The following DCDC2C variants were observed in gnomAD, a reference collection of about 807,000 sequenced individuals.
The protein encoded by DCDC2C is doublecortin domain containing 2C.
DCDC2C carries 44 observed loss-of-function variants against 45.0 expected under a neutral mutation model. The ratio of observed to expected loss-of-function variants is 0.98; its 90% CI spans 0.77 to 1.26. DCDC2C has a LOEUF of 1.26. Among genes scored for constraint, DCDC2C ranks in the 50% most tolerant of loss-of-function variants. DCDC2C has a pLI of 0.00. For missense variants in DCDC2C, 447 were observed against 468.9 expected, an observed-to-expected ratio of 0.95 and a Z score of 0.43; for synonymous variants, 187 against 178.8, an observed-to-expected ratio of 1.05 and a Z score of -0.37.
At chr2:3,817,194 G>A (rs950070443) in intron 10 of DCDC2C, among the ~76,000 whole-genome samples, 14 of 152,210 alleles carry the variant, frequency 9.2e-5, no homozygotes, top group African/African-American at 3.4e-4. Flanking sequence ...ACTGCCCTGA[G>A]TGATGGGATC....
At position 3,778,852 on chromosome 2, in the gene DCDC2C, C is replaced by T; in HGVS notation, c.991C>T (p.His331Tyr). Reference sequence around the variant, plus strand: ...GATAGTTAAAGAAGATGAAGAGATACATGAGAACACCCCTGATTTTGAGGG... The same window carrying T: ...GATAGTTAAAGAAGATGAAGAGATATATGAGAACACCCCTGATTTTGAGGG... ...AEIVKEDEEI[H>Y]ENTPDFEGNK... is the part of the protein sequence containing the mutation. The change falls in exon 9 of 11, where the codon CAT (histidine) becomes TAT (tyrosine). Residue 331 changes from histidine (H) to tyrosine (Y), a missense_variant. Coordinates refer to ENST00000399143, the MANE Select transcript of DCDC2C (RefSeq NM_001287444.2). 6.4e-7 allele frequency: 1 copy of T among 1,551,080 alleles called. No individual in the cohort carries two copies. The highest frequency in any genetic ancestry group is 2.0e-5 in the Admixed American group (1 of 50,994).
chr2:3,837,342 T>C (rs1672107660), intron 10 of DCDC2C, among the ~76,000 whole-genome samples: 1 of 152,210 alleles, frequency 6.6e-6, no homozygotes, highest in South Asian at 2.1e-4. Context: ...AAGTCATTCA[T>C]AGCCTAACAA....
At chr2:3,749,631 G>A (rs1280937067) in intron 4 of DCDC2C, among the ~76,000 whole-genome samples, 1 of 152,196 alleles carries the variant, frequency 6.6e-6, no homozygotes, top group African/African-American at 2.4e-5. Flanking sequence ...GAGTCCGAGG[G>A]GAATGTGCCT....
At chr2:3,738,727 C>T (rs1380387600) in intron 3 of DCDC2C, among the ~76,000 whole-genome samples, 3 of 152,020 alleles carry the variant, frequency 2.0e-5, no homozygotes, top group Non-Finnish European at 2.9e-5. Context: ...TTTCTTGTAA[C>T]CACCCAATTT....
chr2:3,766,001 T>C (rs941671561), intron 6 of DCDC2C, among the ~76,000 whole-genome samples: 1 of 151,992 alleles, frequency 6.6e-6, no homozygotes. Context: ...AGATGAGAAA[T>C]AAATTGGTGT....
Position 3,754,644 on chromosome 2 carries a change from T to C in DCDC2C, c.726+10T>C, listed in dbSNP as rs74794602. ...ACAGAGAAAGAAAAAAGTAAGTAACTTTTTAAAACAAGTAAGTAACTTGTT... is the reference window on the plus strand; with the variant it reads ...ACAGAGAAAGAAAAAAGTAAGTAACCTTTTAAAACAAGTAAGTAACTTGTT... On this transcript the variant is annotated intron_variant, in intron 6 of 10. Coordinates refer to ENST00000399143, the MANE Select transcript of DCDC2C (RefSeq NM_001287444.2). 9.0e-6 allele frequency: 14 copies of C among 1,548,390 alleles called. No homozygotes were observed. The East Asian group carries it at 2.9e-4, about 32-fold the overall frequency.
At chr2:3,727,128 T>C in intron 3 of DCDC2C, 49 bp downstream of exon 3, 1 of 1,427,086 alleles carries the variant, frequency 7.0e-7, no homozygotes, top group South Asian at 1.2e-5. Context: ...CATAACTCCC[T>C]AAAAACAATA....
At chr2:3,709,309 A>G (rs1668146628) in intron 2 of DCDC2C, among the ~76,000 whole-genome samples, 1 of 152,230 alleles carries the variant, frequency 6.6e-6, no homozygotes, top group African/African-American at 2.4e-5. Context: ...TAGATACCTC[A>G]GAAGCTCGTT....
At chr2:3,749,147 A>G (rs1669461256) in intron 4 of DCDC2C, among the ~76,000 whole-genome samples, 1 of 152,234 alleles carries the variant, frequency 6.6e-6, no homozygotes, top group Non-Finnish European at 1.5e-5. Flanking sequence ...ATTTTCTACT[A>G]TATCCCCAAT....
chr2:3,833,687 C>A (rs956803309), intron 10 of DCDC2C, among the ~76,000 whole-genome samples: 9 of 152,210 alleles, frequency 5.9e-5, no homozygotes, highest in Admixed American at 3.3e-4. Context: ...GAACATAAAG[C>A]TTATCCAGCC....
At chr2:3,732,075 C>G (rs1193413252) in intron 3 of DCDC2C, among the ~76,000 whole-genome samples, 2 of 152,044 alleles carry the variant, frequency 1.3e-5, no homozygotes, top group African/African-American at 4.8e-5. Flanking sequence ...GATGACCGCA[C>G]TAGGGAAGCG....
At chr2:3,789,268 GT>G (rs1359261866) in intron 10 of DCDC2C, among the ~76,000 whole-genome samples, 1 of 152,168 alleles carries the variant, frequency 6.6e-6, no homozygotes, top group African/African-American at 2.4e-5. Flanking sequence ...AAAACTCCAC[GT>G]GGCATCCAGA....
intron 6 of DCDC2C, among the ~76,000 whole-genome samples, chr2:3,759,513 C>A (rs1478756762): frequency 6.6e-6 from 1 of 152,122 alleles, no homozygotes; most frequent in Non-Finnish European, 1.5e-5. Flanking sequence ...TAATGTAGCA[C>A]CTCGAGATGA....
At chr2:3,722,523 T>G (rs776197889) in intron 2 of DCDC2C, among the ~76,000 whole-genome samples, 4 of 152,146 alleles carry the variant, frequency 2.6e-5, no homozygotes, top group Admixed American at 2.6e-4. Context: ...TCATCTTGAG[T>G]CTTCCGTCTT....
intron 2 of DCDC2C, among the ~76,000 whole-genome samples, chr2:3,712,913 T>C (rs113129208): frequency 2.0e-5 from 3 of 152,182 alleles, no homozygotes; most frequent in African/African-American, 7.2e-5. Flanking sequence ...TGGCTTATGT[T>C]CTCAGCATGT....
intron 10 of DCDC2C, among the ~76,000 whole-genome samples, chr2:3,787,422 GA>G (rs2148185174): frequency 6.6e-6 from 1 of 152,276 alleles, no homozygotes; most frequent in African/African-American, 2.4e-5. Flanking sequence ...GTGGTCTGGG[GA>G]TAAATGCTGT....
chr2:3,732,495 A>G (rs1401058973), intron 3 of DCDC2C, among the ~76,000 whole-genome samples: 1 of 152,184 alleles, frequency 6.6e-6, no homozygotes, highest in Non-Finnish European at 1.5e-5. Flanking sequence ...TTTGACAGCA[A>G]TGAACAAAAC....
chr2:3,774,816 G>A (rs1000121210), intron 8 of DCDC2C, among the ~76,000 whole-genome samples: 1 of 151,854 alleles, frequency 6.6e-6, no homozygotes, highest in African/African-American at 2.4e-5. Flanking sequence ...GCCCAGGGTG[G>A]AGTACAGTGA....
chr2:3,729,198 T>C (rs928976799), intron 3 of DCDC2C, among the ~76,000 whole-genome samples: 1 of 152,118 alleles, frequency 6.6e-6, no homozygotes, highest in Non-Finnish European at 1.5e-5. Context: ...GGAGTGGTTT[T>C]ACTTGGGGAC....
Sources: allele counts gnomAD v4.1 joint callset (sites outside exome capture counted in the v4.1 genomes callset), GRCh38; gene constraint gnomAD v4.1.1; transcripts MANE v1.5; gene names NCBI Gene and HGNC (gene_info 2026-07-23, HGNC 2026-07-21).